DOCK2: variants seen among roughly 807,000 people sequenced by gnomAD.
DOCK2 encodes dedicator of cytokinesis 2.
Under a neutral mutation model 248.9 loss-of-function variants are expected in DOCK2, and 87 were observed. The ratio of observed to expected loss-of-function variants is 0.35; its 90% CI spans 0.29 to 0.42. DOCK2 has a LOEUF of 0.42. DOCK2 is among the 10% of genes least tolerant of loss of function. The pLI is 1.00. For synonymous variants in DOCK2, 805 were observed against 821.6 expected, an observed-to-expected ratio of 0.98 and a Z score of 0.35; for missense variants, 1,747 against 2,300.2, an observed-to-expected ratio of 0.76 and a Z score of 4.92.
At position 170,008,225 on chromosome 5, in the gene DOCK2, C is replaced by CAA. The variant is rs60090712; in HGVS notation, c.3073-260_3073-259dup. On this transcript the variant is annotated intron_variant, in intron 30 of 51. Coordinates refer to ENST00000520908, the MANE Select transcript of DOCK2 (RefSeq NM_004946.3). Reference sequence around the variant, plus strand: ...ACAACAACAACAACAACAACAACAACAAAAAAAAAAAAACCTAAAATTCTC... The same window carrying CAA: ...ACAACAACAACAACAACAACAACAACAAAAAAAAAAAAAAACCTAAAATTCTC... 3.8e-4 allele frequency among the ~76,000 whole-genome samples: 43 copies of CAA among 113,944 alleles called. 1 individual carries two copies. Among genetic ancestry groups the CAA allele is most frequent in the South Asian group, 9.3e-4 (3 of 3,216 alleles). 74.8% of individuals were successfully genotyped at this position (113,944 alleles called of 152,430 possible).
At chr5:169,897,088 A>G (rs952115050) in intron 27 of DOCK2, among the ~76,000 whole-genome samples, 3 of 152,226 alleles carry the variant, frequency 2.0e-5, no homozygotes, top group African/African-American at 7.2e-5. Flanking sequence ...AATATTTATT[A>G]TGAATTTATT....
intron 27 of DOCK2, chr5:169,883,677 A>T (rs752498110): frequency 6.4e-7 from 1 of 1,550,990 alleles, no homozygotes; most frequent in South Asian, 1.2e-5. Context: ...TGGGGGGAAG[A>T]TGGTGCCTGG....
At chr5:169,651,772 A>G (rs1407730586) in intron 1 of DOCK2, among the ~76,000 whole-genome samples, 1 of 152,194 alleles carries the variant, frequency 6.6e-6, no homozygotes, top group African/African-American at 2.4e-5. Flanking sequence ...ATGAAGAAAC[A>G]GGCTGCGTTT....
At chr5:169,782,017 A>T (rs1396182080) in intron 25 of DOCK2, among the ~76,000 whole-genome samples, 1 of 152,056 alleles carries the variant, frequency 6.6e-6, no homozygotes, top group Admixed American at 6.5e-5. Context: ...TTTTAAAATC[A>T]ATTACAATCC....
chr5:169,820,964 T>C (rs1201927735), intron 26 of DOCK2, among the ~76,000 whole-genome samples: 7 of 152,130 alleles, frequency 4.6e-5, no homozygotes, highest in African/African-American at 1.7e-4. Flanking sequence ...GAGAACTACG[T>C]GACGAATGCA....
At chr5:169,698,274 A>G (rs924867143) in intron 10 of DOCK2, 100 bp from the exon 11 acceptor site, 2 of 1,230,960 alleles carry the variant, frequency 1.6e-6, no homozygotes, top group African/African-American at 3.0e-5. Flanking sequence ...ACCCCCAGGC[A>G]TCCCAGGCTC....
At chr5:169,655,429 G>A (rs1191691962) in intron 2 of DOCK2, among the ~76,000 whole-genome samples, 1 of 152,236 alleles carries the variant, frequency 6.6e-6, no homozygotes, top group Non-Finnish European at 1.5e-5. Context: ...TCAGGGAGGA[G>A]GCAGGTGTGC....
In DOCK2 at chr5:170,029,848, G is replaced by A. The variant is rs577307395; in HGVS notation, c.3467+1900G>A. ...TCTGACCCCCTACAATGAGCCTCTC[G>A]ACCCTGCCCAAGCAGGCAGAGCCCA... On this transcript the variant is annotated intron_variant, in intron 34 of 51. Transcript: ENST00000520908. Among the ~76,000 whole-genome samples, 49 of 152,208 alleles carry A rather than the reference G, an allele frequency of 3.2e-4. No homozygotes were observed. The South Asian group carries it at 9.0e-3, about 28-fold the overall frequency.
intron 9 of DOCK2, among the ~76,000 whole-genome samples, chr5:169,694,419 A>C (rs539729933): frequency 3.9e-5 from 6 of 152,168 alleles, no homozygotes; most frequent in African/African-American, 1.4e-4. Context: ...TTCCTCCTGC[A>C]TGCCTTTCTG....
At chr5:169,793,809 T>G (rs988755142) in intron 25 of DOCK2, among the ~76,000 whole-genome samples, 2 of 152,136 alleles carry the variant, frequency 1.3e-5, no homozygotes, top group Admixed American at 6.5e-5. Context: ...ACATCATTCC[T>G]CCAAGTTCTG....
At chr5:169,819,761 C>T (rs190732714) in intron 26 of DOCK2, among the ~76,000 whole-genome samples, 94 of 152,304 alleles carry the variant, frequency 6.2e-4, no homozygotes, top group African/African-American at 1.5e-3. Flanking sequence ...TGGGACTTGT[C>T]GGACAGTGAG....
chr5:169,797,391 A>G (rs1766718436), intron 25 of DOCK2, among the ~76,000 whole-genome samples: 1 of 152,240 alleles, frequency 6.6e-6, no homozygotes, highest in Non-Finnish European at 1.5e-5. Context: ...GAGCAGGTGA[A>G]AAAAGGGTCC....
At chr5:169,943,992 C>T (rs1776348108) in intron 27 of DOCK2, among the ~76,000 whole-genome samples, 1 of 152,178 alleles carries the variant, frequency 6.6e-6, no homozygotes, top group African/African-American at 2.4e-5. Flanking sequence ...GGGCTAATAG[C>T]ATGGTGTGAC....
intron 8 of DOCK2, among the ~76,000 whole-genome samples, chr5:169,687,001 C>A (rs264850): frequency 0.075 from 11,412 of 152,042 alleles, 1,062 homozygotes; most frequent in African/African-American, 0.19. Flanking sequence ...GATTCTACCA[C>A]CTAGATCTTC....
At chr5:169,977,628 C>G (rs905624724) in intron 27 of DOCK2, among the ~76,000 whole-genome samples, 1 of 152,126 alleles carries the variant, frequency 6.6e-6, no homozygotes, top group Non-Finnish European at 1.5e-5. Context: ...GCTCCTAAGC[C>G]CCCACTCTCA....
intron 2 of DOCK2, among the ~76,000 whole-genome samples, chr5:169,655,408 G>T (rs1348496581): frequency 6.6e-6 from 1 of 152,254 alleles, no homozygotes; most frequent in Non-Finnish European, 1.5e-5. Context: ...GCCCTGGGGA[G>T]GGAGTGACGG....
intron 29 of DOCK2, among the ~76,000 whole-genome samples, chr5:169,994,363 T>C (rs753262778): frequency 2.6e-5 from 4 of 152,098 alleles, no homozygotes; most frequent in Non-Finnish European, 4.4e-5. Context: ...TAGACCATGA[T>C]GAATGTTGGG....
chr5:169,880,092 G>C (rs552046642), intron 27 of DOCK2, among the ~76,000 whole-genome samples: 1 of 152,360 alleles, frequency 6.6e-6, no homozygotes, highest in African/African-American at 2.4e-5. Flanking sequence ...GCAGCAAAAA[G>C]AGAGCAATTG....
At chr5:169,775,052 G>A (rs899664724) in intron 25 of DOCK2, among the ~76,000 whole-genome samples, 1 of 152,150 alleles carries the variant, frequency 6.6e-6, no homozygotes, top group Non-Finnish European at 1.5e-5. Context: ...GGGATAACAG[G>A]CATGAGCCAC....
Sources: gnomAD v4.1 joint callset for allele counts (sites outside exome capture counted in the v4.1 genomes callset) on GRCh38, gnomAD v4.1.1 for gene constraint, MANE v1.5 for transcripts, NCBI Gene and HGNC (gene_info 2026-07-23, HGNC 2026-07-21) for gene names.